Variants in ANO10 observed in about 807,000 individuals in gnomAD.
ANO10 encodes the protein anoctamin 10, also known as anoctamin-10.
In ANO10, 77 loss-of-function variants were observed where a neutral mutation model predicts 74.7. The ratio of observed to expected loss-of-function variants is 1.03; its 90% confidence interval spans 0.86 to 1.25. ANO10 has a LOEUF of 1.25. Among genes scored for constraint, ANO10 ranks in the 50% most tolerant of loss-of-function variants. The pLI, the probability that ANO10 is intolerant of heterozygous loss-of-function variation, is 0.00. For missense variants in ANO10, 721 were observed against 778.1 expected, an observed-to-expected ratio of 0.93 and a Z score of 0.87; for synonymous variants, 279 against 284.9, an observed-to-expected ratio of 0.98 and a Z score of 0.21.
At chr3:43,602,169 T>C (rs1161047202) in intron 2 of ANO10, among the ~76,000 whole-genome samples, 2 of 152,146 alleles carry the variant, frequency 1.3e-5, no homozygotes, top group Non-Finnish European at 2.9e-5. Flanking sequence ...CTAGACCCAC[T>C]CTTGCCCCCT....
At chr3:43,408,182 T>C (rs2092608747) in intron 12 of ANO10, among the ~76,000 whole-genome samples, 1 of 152,202 alleles carries the variant, frequency 6.6e-6, no homozygotes, top group Non-Finnish European at 1.5e-5. Flanking sequence ...AGTCTTAAGT[T>C]AGGTATCTGA....
upstream of ANO10, among the ~76,000 whole-genome samples, chr3:43,626,640 T>C (rs2083495180): frequency 2.0e-5 from 3 of 152,192 alleles, no homozygotes. Flanking sequence ...CAGGAATTTA[T>C]TTTGATTTGA....
chr3:43,603,515 T>A (rs774259866), intron 2 of ANO10, among the ~76,000 whole-genome samples: 2 of 152,250 alleles, frequency 1.3e-5, no homozygotes, highest in Non-Finnish European at 2.9e-5. Flanking sequence ...TTATATCTTT[T>A]CGTAACTCTG....
At chr3:43,390,079 G>A (rs533888051) in intron 12 of ANO10, among the ~76,000 whole-genome samples, 1 of 152,342 alleles carries the variant, frequency 6.6e-6, no homozygotes, top group Non-Finnish European at 1.5e-5. Context: ...CTGGCATCCA[G>A]GGAAAGTTCT....
intron 1 of ANO10, among the ~76,000 whole-genome samples, chr3:43,634,160 G>A (rs1337942801): frequency 6.6e-6 from 1 of 152,056 alleles, no homozygotes; most frequent in African/African-American, 2.4e-5. Context: ...CAACAATTAG[G>A]AGTAGCCTTG....
chr3:43,597,298 A>G (rs2082134553), intron 4 of ANO10, among the ~76,000 whole-genome samples: 2 of 152,218 alleles, frequency 1.3e-5, no homozygotes, highest in South Asian at 4.1e-4. Context: ...TGCTGCTATA[A>G]AGACACATGC....
intron 9 of ANO10, among the ~76,000 whole-genome samples, chr3:43,557,507 G>A (rs113679784): frequency 0.018 from 2,711 of 151,782 alleles, 70 homozygotes; most frequent in African/African-American, 0.06. Context: ...AGGCCGAGGC[G>A]GGTGGATCAC....
intron 12 of ANO10, among the ~76,000 whole-genome samples, chr3:43,382,126 A>G (rs2091977173): frequency 6.6e-6 from 1 of 152,250 alleles, no homozygotes; most frequent in Non-Finnish European, 1.5e-5. Flanking sequence ...TGCCTACGTC[A>G]CAAAGTCTGA....
At chr3:43,493,226 T>C (rs369149813) in intron 11 of ANO10, among the ~76,000 whole-genome samples, 1 of 152,000 alleles carries the variant, frequency 6.6e-6, no homozygotes, top group African/African-American at 2.4e-5. Context: ...AGTTGAACAA[T>C]GAGAACACAT....
At chr3:43,388,397 G>A (rs142540373) in intron 12 of ANO10, among the ~76,000 whole-genome samples, 1,987 of 152,204 alleles carry the variant, frequency 0.013, 24 homozygotes, top group Non-Finnish European at 0.023. Flanking sequence ...GAAGAGCGGC[G>A]CTCCCAGGGT....
At chr3:43,558,859 T>C (rs1413559839) in intron 9 of ANO10, among the ~76,000 whole-genome samples, 2 of 152,048 alleles carry the variant, frequency 1.3e-5, no homozygotes, top group East Asian at 3.9e-4. Flanking sequence ...AAAAGAAACC[T>C]GTAAGAGATC....
chr3:43,534,954 T>G (rs1287514108), intron 11 of ANO10, among the ~76,000 whole-genome samples: 2 of 152,112 alleles, frequency 1.3e-5, no homozygotes, highest in Non-Finnish European at 2.9e-5. Flanking sequence ...TGCTAACTTT[T>G]TTTTCCTATA....
At chr3:43,513,513 AT>A (rs547865878) in intron 11 of ANO10, among the ~76,000 whole-genome samples, 17 of 151,546 alleles carry the variant, frequency 1.1e-4, no homozygotes, top group Admixed American at 7.9e-4. Context: ...ACTTCTATGA[AT>A]TTTTTTTTCT....
At chr3:43,501,493 C>T (rs1216333486) in intron 11 of ANO10, among the ~76,000 whole-genome samples, 1 of 151,932 alleles carries the variant, frequency 6.6e-6, no homozygotes, top group Non-Finnish European at 1.5e-5. Flanking sequence ...CAATAAAACA[C>T]AAAATGAAAA....
At chr3:43,444,658 G>A (rs539419294) in intron 11 of ANO10, among the ~76,000 whole-genome samples, 19 of 152,234 alleles carry the variant, frequency 1.2e-4, no homozygotes, top group African/African-American at 2.9e-4. Flanking sequence ...ATGTGGTACC[G>A]CAGGGGCCAC....
rs1440775672 is a variant in ANO10, at chr3:43,605,827, T to C, written c.26A>G (p.Asp9Gly). The change falls in exon 2 of 13, where the codon GAT becomes GGT. Residue 9 changes from aspartate to glycine, a missense_variant. Physicochemically the swap from Asp to Gly is moderately conservative, Grantham distance 94. Transcript: ENST00000292246. MKVTLSAL[D>G]TSESSFTPLV... ...AGGTGTGAAAGAACTCTCAGAAGTA[T>C]CCAAAGCTGATAAGGTCACTTTCAT... is the stretch of plus-strand genomic sequence containing the variant. 6.2e-7 allele frequency: 1 copy of C among 1,613,668 alleles called. No individual in the cohort carries two copies. Among genetic ancestry groups the C allele is most frequent in the Non-Finnish European group, 8.5e-7 (1 of 1,179,788 alleles).
intron 8 of ANO10, among the ~76,000 whole-genome samples, chr3:43,564,856 C>T (rs3772167): frequency 0.6 from 90,872 of 151,872 alleles, 27,897 homozygotes; most frequent in East Asian, 0.89. Context: ...TTTAAGCGGT[C>T]CTCCTCCATT....
intron 11 of ANO10, among the ~76,000 whole-genome samples, chr3:43,488,166 A>G (rs2076573536): frequency 6.6e-6 from 1 of 151,116 alleles, no homozygotes; most frequent in South Asian, 2.1e-4. Context: ...ACAAAAATCA[A>G]TTCAAGATGG....
At chr3:43,576,126 A>G (rs1376376493) in intron 6 of ANO10, among the ~76,000 whole-genome samples, 1 of 152,218 alleles carries the variant, frequency 6.6e-6, no homozygotes, top group Non-Finnish European at 1.5e-5. Flanking sequence ...AATGAACTCA[A>G]CAGCAGTCCT....
Sources: gnomAD v4.1 joint callset for allele counts (sites outside exome capture counted in the v4.1 genomes callset) on GRCh38, gnomAD v4.1.1 for gene constraint, MANE v1.5 for transcripts, NCBI Gene and HGNC (gene_info 2026-07-23, HGNC 2026-07-21) for gene names.